The following AUTS2 variants were observed in gnomAD, a reference collection of about 807,000 sequenced individuals.
The protein encoded by AUTS2 is autism susceptibility gene 2 protein.
Under a neutral mutation model 112.4 loss-of-function variants are expected in AUTS2, and 17 were observed. That is an observed-to-expected ratio of 0.15 (90% CI 0.10 to 0.23). The LOEUF is 0.23. Ranked by LOEUF, AUTS2 falls within the 10% of genes least tolerant of loss-of-function variation. The pLI is 1.00. For missense variants in AUTS2, 1,510 were observed against 1,701.6 expected (o/e 0.89, Z 1.98); for synonymous variants, 751 against 702.7 (o/e 1.07, Z -1.09).
intron 2 of AUTS2, among the ~76,000 whole-genome samples, chr7:69,963,538 G>C (rs1204337869): frequency 6.6e-6 from 1 of 152,164 alleles, no homozygotes; most frequent in East Asian, 1.9e-4. Flanking sequence ...GTTTCTATAA[G>C]TGTCTTTAGC....
intron 4 of AUTS2, among the ~76,000 whole-genome samples, chr7:70,416,402 C>T (rs959123533): frequency 6.6e-6 from 1 of 152,200 alleles, no homozygotes; most frequent in African/African-American, 2.4e-5. Context: ...TGAATGACTG[C>T]ACACTCAGCC....
intron 4 of AUTS2, among the ~76,000 whole-genome samples, chr7:70,240,590 G>A (rs1812560140): frequency 6.6e-6 from 1 of 152,096 alleles, no homozygotes; most frequent in Admixed American, 6.5e-5. Flanking sequence ...TTGGCCCTTT[G>A]TGTCCCCATC....
In AUTS2 at chr7:69,826,467, A is replaced by G. The variant is rs576710030; in HGVS notation, c.310-72819A>G. Reference sequence around the variant, plus strand: ...ATTAGAACACCCTATAAATGTGACTAATGGCATCTCAGGGTTCTGTCCTGG... The same window carrying G: ...ATTAGAACACCCTATAAATGTGACTGATGGCATCTCAGGGTTCTGTCCTGG... On this transcript the variant is annotated intron_variant, in intron 1 of 18. Transcript: ENST00000342771. Among the ~76,000 whole-genome samples, 4 of 152,296 alleles carry G rather than the reference A, an allele frequency of 2.6e-5. No individual in the cohort carries two copies. In the South Asian group the frequency reaches 6.2e-4, roughly 24 times the overall value.
intron 3 of AUTS2, among the ~76,000 whole-genome samples, chr7:70,121,781 A>G (rs1805694641): frequency 6.6e-6 from 1 of 152,208 alleles, no homozygotes; most frequent in South Asian, 2.1e-4. Flanking sequence ...CAGTCCTCAA[A>G]AAGCTGAAAC....
At chr7:69,750,765 A>T (rs1787705596) in intron 1 of AUTS2, among the ~76,000 whole-genome samples, 1 of 152,106 alleles carries the variant, frequency 6.6e-6, no homozygotes, top group South Asian at 2.1e-4. Context: ...GGTTAGCATG[A>T]CAAAGGTTGG....
chr7:69,879,250 C>G (rs1793934457), intron 1 of AUTS2, among the ~76,000 whole-genome samples: 1 of 152,078 alleles, frequency 6.6e-6, no homozygotes, highest in Admixed American at 6.6e-5. Context: ...CTCAAGTCAT[C>G]CTCCCACTTC....
chr7:70,281,562 C>CT (rs1309575799), intron 4 of AUTS2, among the ~76,000 whole-genome samples: 2 of 152,126 alleles, frequency 1.3e-5, no homozygotes, highest in Non-Finnish European at 2.9e-5. Flanking sequence ...ATTTGAAAAC[C>CT]TAAAGGAAGA....
At chr7:70,596,834 G>C (rs1312257766) in intron 5 of AUTS2, 1 of 152,150 alleles carries the variant, frequency 6.6e-6, no homozygotes, top group African/African-American at 2.4e-5. Context: ...CCGTGATGGA[G>C]AGAAATATAA....
At chr7:70,693,109 A>G (rs2129546629) in intron 5 of AUTS2, among the ~76,000 whole-genome samples, 1 of 152,274 alleles carries the variant, frequency 6.6e-6, no homozygotes, top group African/African-American at 2.4e-5. Flanking sequence ...CTCTGCACCA[A>G]GGAGGGACCT....
intron 1 of AUTS2, among the ~76,000 whole-genome samples, chr7:69,816,751 G>C (rs1393462938): frequency 1.3e-5 from 2 of 152,230 alleles, no homozygotes; most frequent in Admixed American, 6.5e-5. Flanking sequence ...GAGAGGTTAT[G>C]AGTTAGCCAA....
chr7:69,816,095 G>A (rs890230167), intron 1 of AUTS2, among the ~76,000 whole-genome samples: 1 of 152,316 alleles, frequency 6.6e-6, no homozygotes, highest in Non-Finnish European at 1.5e-5. Flanking sequence ...TGTAGAAGGT[G>A]TAATAGAAAT....
At chr7:70,575,513 T>C (rs1802126347) in intron 5 of AUTS2, among the ~76,000 whole-genome samples, 1 of 151,990 alleles carries the variant, frequency 6.6e-6, no homozygotes, top group Admixed American at 6.6e-5. Flanking sequence ...AGGCTTCAAA[T>C]AACCTTAAAG....
At chr7:69,894,252 GTTTTTTTTTTT>G (rs370966756) in intron 1 of AUTS2, among the ~76,000 whole-genome samples, 62 of 36,740 alleles carry the variant, frequency 1.7e-3, no homozygotes, top group African/African-American at 5.8e-3. Flanking sequence ...GCCTTAAAGC[GTTTTTTTTTTT>G]TTTTTTTTTT....
At chr7:70,377,334 AT>A (rs1793142992) in intron 4 of AUTS2, among the ~76,000 whole-genome samples, 1 of 45,198 alleles carries the variant, frequency 2.2e-5, no homozygotes, top group Non-Finnish European at 4.4e-5. Flanking sequence ...AAATATATAT[AT>A]ATATATATAT....
At chr7:70,546,395 G>T (rs575826500) in intron 5 of AUTS2, among the ~76,000 whole-genome samples, 29 of 152,086 alleles carry the variant, frequency 1.9e-4, no homozygotes, top group Non-Finnish European at 3.8e-4. Context: ...AGTGAGCCGA[G>T]ATTGCACCAC....
At chr7:69,752,460 T>C (rs1423591603) in intron 1 of AUTS2, among the ~76,000 whole-genome samples, 2 of 152,206 alleles carry the variant, frequency 1.3e-5, no homozygotes, top group East Asian at 3.8e-4. Context: ...GTATCTAATT[T>C]CTGAACCAGA....
At chr7:69,908,656 T>G (rs1795240434) in intron 2 of AUTS2, among the ~76,000 whole-genome samples, 1 of 152,244 alleles carries the variant, frequency 6.6e-6, no homozygotes, top group Non-Finnish European at 1.5e-5. Context: ...CTGCCTGCAG[T>G]GACGCTGATG....
intron 6 of AUTS2, among the ~76,000 whole-genome samples, chr7:70,740,832 G>A (rs559289096): frequency 6.6e-6 from 1 of 152,234 alleles, no homozygotes; most frequent in East Asian, 1.9e-4. Flanking sequence ...AGTGGCTCAT[G>A]CCTATAATCC....
At chr7:69,904,491 C>T (rs757548028) in intron 2 of AUTS2, among the ~76,000 whole-genome samples, 5 of 152,166 alleles carry the variant, frequency 3.3e-5, no homozygotes, top group Non-Finnish European at 7.4e-5. Context: ...GAAATCAGAG[C>T]ATTTGAGACA....
Sources: gnomAD v4.1 joint callset for allele counts (sites outside exome capture counted in the v4.1 genomes callset) on GRCh38, gnomAD v4.1.1 for gene constraint, MANE v1.5 for transcripts, NCBI Gene and HGNC (gene_info 2026-07-23, HGNC 2026-07-21) for gene names.